TMEM132B: variants seen among roughly 807,000 people sequenced by gnomAD.
The protein encoded by TMEM132B is transmembrane protein 132B.
In TMEM132B, 18 loss-of-function variants were observed where a neutral mutation model predicts 90.8. The observed-to-expected ratio is 0.20, with a 90% CI of 0.14 to 0.29. The LOEUF is 0.29. TMEM132B is among the 10% of genes least tolerant of loss of function. The pLI is 1.00. For synonymous variants in TMEM132B, 504 were observed against 523.3 expected, an observed-to-expected ratio of 0.96 and a Z score of 0.50; for missense variants, 1,096 against 1,326.8, an observed-to-expected ratio of 0.83 and a Z score of 2.70.
chr12:125,589,632 CA>C (rs1195989122), intron 5 of TMEM132B, among the ~76,000 whole-genome samples: 2 of 152,038 alleles, frequency 1.3e-5, no homozygotes, highest in Non-Finnish European at 2.9e-5. Context: ...AACTTACAGC[CA>C]TATCAGAAGA....
intron 1 of TMEM132B, among the ~76,000 whole-genome samples, chr12:125,270,112 TTGTG>T (rs59168219): frequency 0.048 from 6,908 of 143,130 alleles, 434 homozygotes; most frequent in African/African-American, 0.14. Flanking sequence ...CACATCTTTG[TTGTG>T]TGTGTGTGTG....
intron 3 of TMEM132B, among the ~76,000 whole-genome samples, chr12:125,480,894 C>G (rs1475642678): frequency 6.6e-6 from 1 of 151,730 alleles, no homozygotes; most frequent in East Asian, 1.9e-4. Context: ...AGCAGCACAT[C>G]AAGAAGCTTA....
chr12:125,464,740 T>C (rs1881522027), intron 3 of TMEM132B, among the ~76,000 whole-genome samples: 1 of 152,256 alleles, frequency 6.6e-6, no homozygotes, highest in Admixed American at 6.5e-5. Flanking sequence ...AGTTACTCAA[T>C]TGCCCTGAGC....
chr12:125,652,701 C>G lies in TMEM132B; in HGVS notation c.2106+69C>G, dbSNP rs527692923. The G allele has an allele frequency of 2.5e-4, 382 of 1,515,954 alleles. 3 individuals carry two copies. In the African/African-American group the frequency reaches 4.4e-3, roughly 18 times the overall value. 93.9% of individuals were successfully genotyped at this position (1,515,954 alleles called of 1,614,324 possible). A position where few individuals can be genotyped will look rare whatever the true frequency, so the allele number is the denominator to read the frequency against. On this transcript the variant is annotated intron_variant, in intron 8 of 8. Transcript: ENST00000682704. ...CTTCTCTCTCAGTTAGCACATCCTG[C>G]GAAGGAGAGCAGGAGAGCCCTCACG...
intron 3 of TMEM132B, among the ~76,000 whole-genome samples, chr12:125,441,918 C>T (rs909113639): frequency 6.6e-6 from 1 of 152,238 alleles, no homozygotes; most frequent in African/African-American, 2.4e-5. Flanking sequence ...AGCAGATATG[C>T]TCCCTAAAGA....
At chr12:125,633,993 G>A (rs956654808) in intron 5 of TMEM132B, among the ~76,000 whole-genome samples, 1 of 152,198 alleles carries the variant, frequency 6.6e-6, no homozygotes, top group African/African-American at 2.4e-5. Context: ...AGTCAGCCAG[G>A]TTGGTGCCCT....
In TMEM132B at chr12:125,209,417, A is replaced by C. The variant is rs890877723; in HGVS notation, c.67+22551A>C. ...GGCAGCAGAGTGGCTGGTCACTGGGACAGTGCTCGACTGGGGGAAGGGGTT... is the reference window on the plus strand; with the variant it reads ...GGCAGCAGAGTGGCTGGTCACTGGGCCAGTGCTCGACTGGGGGAAGGGGTT... On this transcript the variant is annotated intron_variant, in intron 1 of 8. Coordinates refer to ENST00000682704, the MANE Select transcript of TMEM132B (RefSeq NM_001366854.1). The surrounding 1 kb of genome is among the most constrained non-coding windows in gnomAD (Gnocchi z 4.4). Among the ~76,000 whole-genome samples, 1 of 152,182 alleles carries C rather than the reference A, an allele frequency of 6.6e-6. No individual in the cohort carries two copies. Among genetic ancestry groups the C allele is most frequent in the African/African-American group, 2.4e-5 (1 of 41,436 alleles).
intron 1 of TMEM132B, among the ~76,000 whole-genome samples, chr12:125,317,895 C>T (rs927022627): frequency 2.6e-5 from 4 of 152,284 alleles, no homozygotes; most frequent in East Asian, 1.9e-4. Flanking sequence ...AACACGAAGA[C>T]GTGTGTGAGA....
intron 6 of TMEM132B, among the ~76,000 whole-genome samples, chr12:125,648,584 A>C (rs973920965): frequency 6.7e-6 from 1 of 149,322 alleles, no homozygotes; most frequent in Non-Finnish European, 1.5e-5. Flanking sequence ...TGAATTTCTA[A>C]TTATTTTGAA....
intron 2 of TMEM132B, among the ~76,000 whole-genome samples, chr12:125,389,895 T>C (rs1566020814): frequency 6.6e-6 from 1 of 152,242 alleles, no homozygotes; most frequent in Non-Finnish European, 1.5e-5. Flanking sequence ...AAACTTTATA[T>C]AGACATATAC....
chr12:125,522,429 A>G (rs1381343227), intron 4 of TMEM132B, among the ~76,000 whole-genome samples: 3 of 152,370 alleles, frequency 2.0e-5, no homozygotes, highest in Middle Eastern at 3.4e-3. Context: ...TGGCAGATAC[A>G]GGGAGCAGCT....
chr12:125,291,402 A>G (rs1273526964), intron 1 of TMEM132B, among the ~76,000 whole-genome samples: 1 of 152,210 alleles, frequency 6.6e-6, no homozygotes, highest in African/African-American at 2.4e-5. Context: ...GGAGCTCTTT[A>G]GATGAAAGTC....
chr12:125,290,107 TA>T (rs1333508139), intron 1 of TMEM132B, among the ~76,000 whole-genome samples: 1 of 152,146 alleles, frequency 6.6e-6, no homozygotes, highest in Non-Finnish European at 1.5e-5. Context: ...CGGTATGTTT[TA>T]AAATCCAAAA....
intron 1 of TMEM132B, among the ~76,000 whole-genome samples, chr12:125,330,175 C>T (rs1022630779): frequency 3.3e-5 from 5 of 152,144 alleles, no homozygotes; most frequent in Non-Finnish European, 7.3e-5. Flanking sequence ...AGAGAACCCA[C>T]GGGGTGCTGG....
intron 1 of TMEM132B, among the ~76,000 whole-genome samples, chr12:125,289,373 G>T (rs150495890): frequency 9.9e-4 from 150 of 152,030 alleles, no homozygotes; most frequent in African/African-American, 3.4e-3. Flanking sequence ...TCTTTAATCG[G>T]CACAAGAACC....
At position 125,349,717 on chromosome 12, in the gene TMEM132B, A is replaced by C. The variant is rs765546763; in HGVS notation, c.333A>C (p.Thr111=). ...CCCAGGAGCTCCTGTTGACATCTACAGCCTTTGGAAACATGGACAAATTTC... is the reference window on the plus strand; with the variant it reads ...CCCAGGAGCTCCTGTTGACATCTACCGCCTTTGGAAACATGGACAAATTTC... ...IIPQELLLTS[T]AFGNMDKFPF... The change falls in exon 2 of 9, where the codon ACA becomes ACC. Residue 111 remains threonine (T), a synonymous_variant. Transcript: ENST00000682704. This position sits in a 1 kb window ranked among gnomAD's most constrained non-coding sequence, Gnocchi z 4.1. 1.2e-6 allele frequency: 2 copies of C among 1,614,058 alleles called. No individual in the cohort carries two copies. The highest frequency in any genetic ancestry group is 2.7e-5 in the African/African-American group (2 of 74,916).
intron 5 of TMEM132B, among the ~76,000 whole-genome samples, chr12:125,608,852 C>T (rs1048971960): frequency 7.9e-6 from 1 of 126,408 alleles, no homozygotes; most frequent in Non-Finnish European, 1.7e-5. Flanking sequence ...GCTGTGGCAC[C>T]TTTGAAAAAA....
chr12:125,497,182 T>C (rs1344743100), intron 3 of TMEM132B, among the ~76,000 whole-genome samples: 1 of 152,236 alleles, frequency 6.6e-6, no homozygotes, highest in African/African-American at 2.4e-5. Context: ...GCTGTTGACC[T>C]ACGTGGAAGC....
chr12:125,590,396 A>G (rs1885289299), intron 5 of TMEM132B, among the ~76,000 whole-genome samples: 1 of 152,242 alleles, frequency 6.6e-6, no homozygotes, highest in South Asian at 2.1e-4. Flanking sequence ...TTGAATATTG[A>G]ATGAATGAAT....
Sources: gnomAD v4.1 joint callset for allele counts (sites outside exome capture counted in the v4.1 genomes callset) on GRCh38, gnomAD v4.1.1 for gene constraint, Gnocchi (gnomAD v3.1) non-coding constraint, MANE v1.5 for transcripts, NCBI Gene and HGNC (gene_info 2026-07-23, HGNC 2026-07-21) for gene names.